Variants in ITSN1 observed in about 807,000 individuals in gnomAD.
ITSN1 encodes the protein intersectin 1, also known as intersectin-1.
Under a neutral mutation model 239.8 loss-of-function variants are expected in ITSN1, and 58 were observed. The observed-to-expected ratio is 0.24, with a 90% CI of 0.20 to 0.30. ITSN1 has a LOEUF of 0.30. Ranked by LOEUF, ITSN1 falls within the 10% of genes least tolerant of loss-of-function variation. The probability of loss-of-function intolerance (pLI) is 1.00; values close to 1 mark genes in which losing one functional copy is unlikely to be tolerated. For missense variants in ITSN1, 1,558 were observed against 2,103.3 expected, an observed-to-expected ratio of 0.74 and a Z score of 5.07; for synonymous variants, 780 against 770.8, an observed-to-expected ratio of 1.01 and a Z score of -0.20.
intron 20 of ITSN1, among the ~76,000 whole-genome samples, chr21:33,808,822 C>T (rs1264372143): frequency 2.0e-5 from 3 of 152,162 alleles, no homozygotes; most frequent in African/African-American, 7.2e-5. Context: ...TTACACTTTG[C>T]AGTCTTGACA....
chr21:33,829,570 T>A, intron 26 of ITSN1, 54 bp from the exon 27 acceptor site: 1 of 1,595,740 alleles, frequency 6.3e-7, no homozygotes, highest in Non-Finnish European at 8.5e-7. Flanking sequence ...CTTCTTGGCC[T>A]TTTCTCCTGC....
In ITSN1 at chr21:33,807,522, G is replaced by A. The variant is rs2072551989; in HGVS notation, c.2320-3453G>A. Among the ~76,000 whole-genome samples the A allele has an allele frequency of 2.0e-5, 3 of 152,252 alleles. No individual in the cohort carries two copies. In the South Asian group the frequency reaches 6.2e-4, roughly 32 times the overall value. ...CCGGCTAATTTTTGTATTTTTTGTA[G>A]AGATGGGGTTTCACCAGCCTGAAAC... On this transcript the variant is annotated intron_variant, in intron 20 of 39. Coordinates refer to ENST00000381318, the MANE Select transcript of ITSN1 (RefSeq NM_003024.3).
At chr21:33,885,609 A>G in intron 38 of ITSN1, 87 bp downstream of exon 38, 1 of 977,560 alleles carries the variant, frequency 1.0e-6, no homozygotes, top group South Asian at 1.3e-5. Context: ...TCTAGATCAA[A>G]TGTGCTATTT....
At chr21:33,738,153 C>T (rs2066616623) in intron 5 of ITSN1, among the ~76,000 whole-genome samples, 2 of 151,936 alleles carry the variant, frequency 1.3e-5, no homozygotes, top group Admixed American at 6.6e-5. Context: ...TGCCACTGCA[C>T]TCCAGCCTGG....
chr21:33,805,489 C>G (rs889127647), intron 20 of ITSN1, among the ~76,000 whole-genome samples: 1 of 152,176 alleles, frequency 6.6e-6, no homozygotes, highest in African/African-American at 2.4e-5. Context: ...GACCAGTATA[C>G]ACGATTACAG....
At chr21:33,701,550 T>C (rs950408383) in intron 1 of ITSN1, among the ~76,000 whole-genome samples, 3 of 151,954 alleles carry the variant, frequency 2.0e-5, no homozygotes, top group Non-Finnish European at 4.4e-5. Flanking sequence ...CCCAGCACTT[T>C]GAGAGGCATA....
chr21:33,818,443 C>G lies in ITSN1; in HGVS notation c.2904C>G (p.Leu968=). 1 of 1,614,126 alleles carries G rather than the reference C, an allele frequency of 6.2e-7. No homozygotes were observed. The highest frequency in any genetic ancestry group is 2.2e-5 in the East Asian group (1 of 44,890). ...KGWFPKSYVK[L]ISGPIRKSTS... is the part of the protein sequence containing the mutation. ...GGTTCCCCAAGTCTTACGTGAAACTCATTTCAGGGCCCATAAGGAAGTCTA... is the reference window on the plus strand; with the variant it reads ...GGTTCCCCAAGTCTTACGTGAAACTGATTTCAGGGCCCATAAGGAAGTCTA... Residue 968 remains leucine (L), a synonymous_variant, in exon 23 of 40, where the codon CTC becomes CTG. Coordinates refer to ENST00000381318, the MANE Select transcript of ITSN1 (RefSeq NM_003024.3).
At chr21:33,831,083 G>A (rs2074266112) in intron 27 of ITSN1, among the ~76,000 whole-genome samples, 1 of 152,198 alleles carries the variant, frequency 6.6e-6, no homozygotes, top group Non-Finnish European at 1.5e-5. Context: ...TACTATAGCA[G>A]TTACTTGAGA....
chr21:33,751,942 A>G, intron 7 of ITSN1, 36 bp downstream of exon 7: 1 of 1,355,894 alleles, frequency 7.4e-7, no homozygotes, highest in Non-Finnish European at 1.1e-6. Context: ...AAGTTTGGTT[A>G]AGGCCATTAC....
intron 1 of ITSN1, among the ~76,000 whole-genome samples, chr21:33,717,828 A>G (rs560995880): frequency 2.0e-5 from 3 of 152,128 alleles, no homozygotes; most frequent in South Asian, 2.1e-4. Context: ...TGGCCTCCCA[A>G]AGTTCTGGGA....
In ITSN1 at chr21:33,737,567, T is replaced by TTTTA. The variant is rs960976502; in HGVS notation, c.346+2383_346+2386dup. On this transcript the variant is annotated intron_variant, in intron 5 of 39. Transcript: ENST00000381318. ...AAATAATTTATTACTATTGTCATTG[T>TTTTA]TTTATTTATTTATTTATTTATTTTG... Among the ~76,000 whole-genome samples, 28 of 152,172 alleles carry TTTTA rather than the reference T, an allele frequency of 1.8e-4. No individual in the cohort carries two copies. In the East Asian group the frequency reaches 3.5e-3, roughly 19 times the overall value.
At position 33,885,108 on chromosome 21, in the gene ITSN1, G is replaced by A. The variant is rs1445214379; in HGVS notation, c.4744G>A (p.Glu1582Lys). The A allele has an allele frequency of 4.3e-6, 7 of 1,614,024 alleles. No homozygotes were observed. Among genetic ancestry groups the A allele is most frequent in the Non-Finnish European group, 5.1e-6 (6 of 1,179,910 alleles). Residue 1582 changes from glutamate (E) to lysine (K), a missense_variant, in exon 37 of 40, where the codon GAG (glutamate) becomes AAG (lysine). By Grantham distance (56) the Glu-to-Lys change is moderately conservative (BLOSUM62 1). This residue lies in a region of ITSN1 where 576 missense variants were observed against 893.3 expected (regional missense o/e 0.64). Coordinates refer to ENST00000381318, the MANE Select transcript of ITSN1 (RefSeq NM_003024.3). The stretch of plus-strand genomic sequence containing the variant: ...CATAGAGACTGAGAAAAAGAAGCGC[G>A]AGAAAGCGTACCTGGGTAATGCATG... ...LYIETEKKKR[E>K]KAYLVRSQRA...
chr21:33,782,055 A>G lies in ITSN1; in HGVS notation c.1746A>G (p.Leu582=), dbSNP rs899657024. ...CAAAAGAACTAGCTCGGCAGCACCT[A>G]CGAGACCAACTGGATGAAGTGGAGA... is the stretch of plus-strand genomic sequence containing the variant. ...LEAKELARQH[L]RDQLDEVEKE... is the part of the protein sequence containing the mutation. Residue 582 remains leucine (L), a synonymous_variant, in exon 16 of 40, where the codon CTA becomes CTG. Coordinates refer to ENST00000381318, the MANE Select transcript of ITSN1 (RefSeq NM_003024.3). 4 of 1,613,830 alleles carry G rather than the reference A, an allele frequency of 2.5e-6. No homozygotes were observed. In the East Asian group the frequency reaches 6.7e-5, roughly 27 times the overall value.
Position 33,888,443 on chromosome 21 carries a change from C to T in ITSN1, c.*143C>T. On this transcript the variant is annotated 3_prime_UTR_variant, in exon 40 of 40. Transcript: ENST00000381318. ...TGGCAAAGACAGGCCCCTCAAAGCT[C>T]CTAGGAATCATTCTCGACAATCCTC... 1.3e-6 allele frequency: 1 copy of T among 773,086 alleles called. No homozygotes were observed. Among genetic ancestry groups the T allele is most frequent in the Non-Finnish European group, 2.0e-6 (1 of 496,576 alleles). 47.9% of individuals were successfully genotyped at this position (773,086 alleles called of 1,614,324 possible). A position where few individuals can be genotyped will look rare whatever the true frequency, so the allele number is the denominator to read the frequency against.
chr21:33,741,894 C>CAAAAAA (rs57036929), intron 5 of ITSN1, among the ~76,000 whole-genome samples: 1 of 74,140 alleles, frequency 1.3e-5, no homozygotes, highest in Non-Finnish European at 2.5e-5. Flanking sequence ...GATTCCGTCT[C>CAAAAAA]AAAAAAAAAA....
chr21:33,644,447 TTATC>T (rs374492224), intron 1 of ITSN1, among the ~76,000 whole-genome samples: 139 of 152,318 alleles, frequency 9.1e-4, no homozygotes, highest in African/African-American at 3.2e-3. Context: ...TGGTATTTCT[TTATC>T]TAGGAATGCT....
intron 12 of ITSN1, among the ~76,000 whole-genome samples, chr21:33,773,319 C>G (rs1224244894): frequency 1.3e-5 from 2 of 151,968 alleles, no homozygotes; most frequent in Non-Finnish European, 2.9e-5. Context: ...ATGCAACCTT[C>G]TTTTTAAACT....
chr21:33,854,743 C>T (rs569541486), intron 29 of ITSN1, among the ~76,000 whole-genome samples: 4 of 152,184 alleles, frequency 2.6e-5, no homozygotes, highest in African/African-American at 7.2e-5. Context: ...GGGCCAAACC[C>T]GTGGCTGAGC....
intron 30 of ITSN1, 45 bp downstream of exon 30, chr21:33,856,902 G>T (rs532162247): frequency 1.3e-6 from 2 of 1,579,508 alleles, no homozygotes; most frequent in Admixed American, 1.7e-5. Flanking sequence ...GGGCGATGAC[G>T]GAGGGAGAGG....
Sources: gnomAD v4.1 joint callset for allele counts (sites outside exome capture counted in the v4.1 genomes callset) on GRCh38, gnomAD v4.1.1 for gene constraint, gnomAD v4.1.1 regional missense constraint, MANE v1.5 for transcripts, NCBI Gene and HGNC (gene_info 2026-07-23, HGNC 2026-07-21) for gene names.